Variants in VPS13B observed in about 807,000 individuals in gnomAD.
VPS13B encodes the protein intermembrane lipid transfer protein VPS13B.
VPS13B carries 285 observed loss-of-function variants against 426.4 expected under a neutral mutation model. The observed-to-expected ratio is 0.67, with a 90% confidence interval of 0.61 to 0.74. The LOEUF is 0.74. Among genes scored for constraint, VPS13B ranks in the 30% least tolerant of loss-of-function variants. The pLI is 0.00. For synonymous variants in VPS13B, 1,676 were observed against 1,676.4 expected (o/e 1.00, Z 0.01); for missense variants, 4,537 against 4,782.6 (o/e 0.95, Z 1.51).
In VPS13B at chr8:99,438,219, G is replaced by A. The variant is rs553044824; in HGVS notation, c.3211-4182G>A. Among the ~76,000 whole-genome samples the A allele has an allele frequency of 2.6e-5, 4 of 152,052 alleles. No homozygotes were observed. In the South Asian group the frequency reaches 8.3e-4, roughly 32 times the overall value. The stretch of plus-strand genomic sequence containing the variant: ...TATTTTGATGAGAGTGTCAGTCAGG[G>A]TGTCTCAAGCAGCATGAGCCAGTTA... On this transcript the variant is annotated intron_variant, in intron 22 of 61. Transcript: ENST00000357162.
In VPS13B at chr8:99,190,844, A is replaced by T. The variant is rs546831000; in HGVS notation, c.2334-2032A>T. Among the ~76,000 whole-genome samples the T allele has an allele frequency of 7.0e-3, 1,053 of 151,092 alleles. 10 individuals are homozygous for T. Among genetic ancestry groups the T allele is most frequent in the African/African-American group, 0.022 (919 of 41,266 alleles). ...GTTTCTTTCTTCTTCTTTTTTTTTTAAAAAATTCACCCATATATTTACCAT... is the reference window on the plus strand; with the variant it reads ...GTTTCTTTCTTCTTCTTTTTTTTTTTAAAAATTCACCCATATATTTACCAT... On this transcript the variant is annotated intron_variant, in intron 16 of 61. Transcript: ENST00000357162.
At chr8:99,527,912 A>G (rs986208293) in intron 30 of VPS13B, 1 of 152,072 alleles carries the variant, frequency 6.6e-6, no homozygotes, top group African/African-American at 2.4e-5. Context: ...CCACTGCTTC[A>G]CTTGACTAGC....
chr8:99,567,683 C>A lies in VPS13B; in HGVS notation c.4950-7975C>A, dbSNP rs182625683. ...GCACCTTGAGATAAAAGATTAGGTC[C>A]CCTATTGAGTATTTCCACACCTCTC... On this transcript the variant is annotated intron_variant, in intron 31 of 61. Coordinates refer to ENST00000357162, the MANE Select transcript of VPS13B (RefSeq NM_152564.5). 2.1e-4 allele frequency among the ~76,000 whole-genome samples: 32 copies of A among 151,852 alleles called. No homozygotes were observed. In the East Asian group the frequency reaches 6.2e-3, roughly 29 times the overall value.
intron 56 of VPS13B, among the ~76,000 whole-genome samples, chr8:99,854,737 C>T (rs1319436915): frequency 1.3e-5 from 2 of 152,312 alleles, no homozygotes; most frequent in Admixed American, 1.3e-4. Context: ...TTATTTTCTT[C>T]ATTGCTATTT....
At chr8:99,867,251 GA>G (rs140409321) in intron 58 of VPS13B, among the ~76,000 whole-genome samples, 17 of 150,680 alleles carry the variant, frequency 1.1e-4, no homozygotes, top group African/African-American at 2.9e-4. Flanking sequence ...ACTCCATCAC[GA>G]AAAAAAAATC....
chr8:99,326,089 A>G (rs1468603092), intron 19 of VPS13B, among the ~76,000 whole-genome samples: 1 of 152,082 alleles, frequency 6.6e-6, no homozygotes, highest in African/African-American at 2.4e-5. Flanking sequence ...CTTCTTGGCA[A>G]TTTCTTATTG....
intron 33 of VPS13B, among the ~76,000 whole-genome samples, chr8:99,582,902 G>C (rs1588517812): frequency 2.0e-5 from 3 of 152,146 alleles, no homozygotes; most frequent in African/African-American, 7.2e-5. Context: ...TGATCCGCCT[G>C]CCTTGGCCTC....
intron 39 of VPS13B, among the ~76,000 whole-genome samples, chr8:99,743,780 A>G (rs1474463880): frequency 6.6e-6 from 1 of 152,240 alleles, no homozygotes; most frequent in African/African-American, 2.4e-5. Context: ...CATATGTAGA[A>G]AGCTGAAACT....
At chr8:99,614,984 G>A (rs912265509) in intron 33 of VPS13B, among the ~76,000 whole-genome samples, 1 of 151,940 alleles carries the variant, frequency 6.6e-6, no homozygotes, top group Admixed American at 6.6e-5. Context: ...AGGCGTGGCG[G>A]CACATGCCTG....
rs551744821 is a variant in VPS13B, at chr8:99,071,305, G to A, written c.292-25007G>A. 4.6e-5 allele frequency among the ~76,000 whole-genome samples: 7 copies of A among 152,224 alleles called. No individual in the cohort carries two copies. In the East Asian group the frequency reaches 5.8e-4, roughly 13 times the overall value. On this transcript the variant is annotated intron_variant, in intron 3 of 61. Transcript: ENST00000357162. ...AGTCTTTGGTTGCTGCAGCTGTATC[G>A]CACTGGGGGCACCTGAAGCCTAGTA...
intron 43 of VPS13B, among the ~76,000 whole-genome samples, chr8:99,800,317 T>C (rs1813057946): frequency 6.6e-6 from 1 of 152,174 alleles, no homozygotes; most frequent in African/African-American, 2.4e-5. Context: ...TTAAGGCAGC[T>C]GTTAATATCA....
intron 39 of VPS13B, among the ~76,000 whole-genome samples, chr8:99,740,491 C>T (rs757733395): frequency 4.6e-5 from 7 of 152,164 alleles, no homozygotes; most frequent in African/African-American, 9.6e-5. Flanking sequence ...AGATACTCCT[C>T]GAGAAGAGCA....
chr8:99,047,320 G>A (rs1843286618), intron 3 of VPS13B, among the ~76,000 whole-genome samples: 1 of 152,118 alleles, frequency 6.6e-6, no homozygotes, highest in African/African-American at 2.4e-5. Context: ...GCATGTAAAG[G>A]TGTTCACAGT....
At chr8:99,115,590 G>A in intron 6 of VPS13B, 110 bp from the exon 7 acceptor site, 2 of 1,051,290 alleles carry the variant, frequency 1.9e-6, no homozygotes, top group Non-Finnish European at 2.8e-6. Flanking sequence ...AAAATGTTTG[G>A]AGCATTTCTT....
chr8:99,688,133 C>CTTTTT (rs1307921649), intron 35 of VPS13B, among the ~76,000 whole-genome samples: 36 of 113,010 alleles, frequency 3.2e-4, no homozygotes, highest in Non-Finnish European at 5.4e-4. Flanking sequence ...TCCTTGCTTG[C>CTTTTT]TTTTTTTTTT....
At chr8:99,762,748 A>G (rs764549610) in intron 39 of VPS13B, among the ~76,000 whole-genome samples, 14 of 152,208 alleles carry the variant, frequency 9.2e-5, no homozygotes, top group Non-Finnish European at 2.1e-4. Flanking sequence ...GATATTAAAT[A>G]AAATGCTTTG....
chr8:99,402,242 T>C (rs1312100282), intron 21 of VPS13B, among the ~76,000 whole-genome samples: 2 of 152,116 alleles, frequency 1.3e-5, no homozygotes, highest in Admixed American at 6.6e-5. Context: ...AAGCCTAGGA[T>C]TCAGTGTGAT....
At chr8:99,050,400 T>C (rs1464036380) in intron 3 of VPS13B, among the ~76,000 whole-genome samples, 1 of 152,196 alleles carries the variant, frequency 6.6e-6, no homozygotes, top group African/African-American at 2.4e-5. Context: ...TTCAATCGTG[T>C]ATATGTGCCA....
At chr8:99,087,220 A>G (rs1845868016) in intron 3 of VPS13B, among the ~76,000 whole-genome samples, 1 of 152,150 alleles carries the variant, frequency 6.6e-6, no homozygotes, top group African/African-American at 2.4e-5. Context: ...TGTGCTAGCA[A>G]TCAGCGAGGC....
Sources: allele counts gnomAD v4.1 joint callset (sites outside exome capture counted in the v4.1 genomes callset), GRCh38; gene constraint gnomAD v4.1.1; transcripts MANE v1.5; gene names NCBI Gene and HGNC (gene_info 2026-07-23, HGNC 2026-07-21).